Variants in IRAK2 observed in about 807,000 individuals in gnomAD.
The protein encoded by IRAK2 is interleukin 1 receptor associated kinase 2.
In IRAK2, 57 loss-of-function variants were observed where a neutral mutation model predicts 72.0. The ratio of observed to expected loss-of-function variants is 0.79; its 90% CI spans 0.64 to 0.99. IRAK2 has a LOEUF of 0.99. Among genes scored for constraint, IRAK2 ranks in the 50% least tolerant of loss-of-function variants. The probability of loss-of-function intolerance (pLI) is 0.00; values close to 1 mark genes in which losing one functional copy is unlikely to be tolerated. For missense variants in IRAK2, 790 were observed against 794.4 expected (o/e 0.99, Z 0.07); for synonymous variants, 293 against 312.7 (o/e 0.94, Z 0.67).
chr3:10,237,018 C>T (rs76909632), intron 11 of IRAK2, among the ~76,000 whole-genome samples: 2,287 of 152,316 alleles, frequency 0.015, 53 homozygotes, highest in African/African-American at 0.052. Context: ...ATCACACCTG[C>T]AATCCAGCCA....
intron 10 of IRAK2, among the ~76,000 whole-genome samples, chr3:10,233,892 A>T (rs934234800): frequency 1.2e-4 from 18 of 152,108 alleles, no homozygotes; most frequent in Non-Finnish European, 4.4e-5. Flanking sequence ...GCTGTCACCT[A>T]GGCTGGAGTG....
chr3:10,173,978 A>C (rs55766316), intron 1 of IRAK2, among the ~76,000 whole-genome samples: 4 of 152,258 alleles, frequency 2.6e-5, no homozygotes, highest in Non-Finnish European at 4.4e-5. Flanking sequence ...CGAGTAAGGA[A>C]AGTTCAGCCC....
At chr3:10,216,269 G>A (rs759758727) in intron 6 of IRAK2, among the ~76,000 whole-genome samples, 1 of 152,170 alleles carries the variant, frequency 6.6e-6, no homozygotes, top group Non-Finnish European at 1.5e-5. Flanking sequence ...TAATAAATAT[G>A]GGTGAAGAAG....
intron 4 of IRAK2, among the ~76,000 whole-genome samples, chr3:10,211,616 C>T (rs986362028): frequency 2.0e-5 from 3 of 151,982 alleles, no homozygotes; most frequent in Non-Finnish European, 4.4e-5. Flanking sequence ...GAGACCCTGT[C>T]TCAAAAAGAA....
intron 10 of IRAK2, among the ~76,000 whole-genome samples, chr3:10,228,693 T>C (rs1250074432): frequency 6.6e-6 from 1 of 152,198 alleles, no homozygotes; most frequent in African/African-American, 2.4e-5. Flanking sequence ...TGCAATCCAA[T>C]GGTTAATCAA....
chr3:10,234,783 C>T, intron 11 of IRAK2, 124 bp downstream of exon 11: 1 of 815,640 alleles, frequency 1.2e-6, no homozygotes. Context: ...GCCGCAGAAC[C>T]TCCTAGAGCT....
rs892896515 is a variant in IRAK2, at chr3:10,234,353, C to T, written c.1273-106C>T. On this transcript the variant is annotated intron_variant, in intron 10 of 12. Transcript: ENST00000256458. ...TGCATTTATTCTTACGATGTCCGGT[C>T]GGTTTTCTGAGCATTTTTTGCAGCT... 2.1e-5 allele frequency: 17 copies of T among 818,190 alleles called. No individual in the cohort carries two copies. In the Admixed American group the frequency reaches 2.1e-4, roughly 10 times the overall value. 50.7% of individuals were successfully genotyped at this position (818,190 alleles called of 1,614,324 possible). A position where few individuals can be genotyped will look rare whatever the true frequency, so the allele number is the denominator to read the frequency against.
chr3:10,211,691 C>T (rs553786167), intron 4 of IRAK2, among the ~76,000 whole-genome samples: 3 of 151,990 alleles, frequency 2.0e-5, no homozygotes, highest in South Asian at 2.1e-4. Flanking sequence ...TCTAATTGGC[C>T]GGAAATACAC....
intron 2 of IRAK2, among the ~76,000 whole-genome samples, chr3:10,181,029 T>C (rs1696951814): frequency 2.6e-5 from 4 of 152,288 alleles, no homozygotes; most frequent in Admixed American, 2.6e-4. Context: ...GGCTGGACCC[T>C]GACTCCTCTG....
chr3:10,197,921 C>T (rs932415071), intron 2 of IRAK2, among the ~76,000 whole-genome samples: 3 of 150,252 alleles, frequency 2.0e-5, no homozygotes, highest in Admixed American at 1.3e-4. Flanking sequence ...CCACTCAGGC[C>T]GGGCGCAGTG....
chr3:10,202,345 C>T (rs376217229), intron 3 of IRAK2, among the ~76,000 whole-genome samples: 1 of 152,138 alleles, frequency 6.6e-6, no homozygotes, highest in Non-Finnish European at 1.5e-5. Flanking sequence ...CACAGCCAGC[C>T]GGGCGTGGTA....
At chr3:10,200,177 C>G (rs140842059) in intron 2 of IRAK2, among the ~76,000 whole-genome samples, 192 bp from the exon 3 acceptor site, 1 of 152,090 alleles carries the variant, frequency 6.6e-6, no homozygotes, top group South Asian at 2.1e-4. Flanking sequence ...TGTGAGCCAC[C>G]GCGCCTGGTC....
chr3:10,236,847 T>G (rs1292072826), intron 11 of IRAK2, among the ~76,000 whole-genome samples: 2 of 152,260 alleles, frequency 1.3e-5, no homozygotes, highest in African/African-American at 4.8e-5. Context: ...ATAAGATAGA[T>G]GTTTATTCTC....
rs187792932 is a variant in IRAK2, at chr3:10,203,693, G to A, written c.424+3178G>A. ...TATCACTAGGCTGGAGTGCAGTGGC[G>A]CGATCTCGGCTCACTGCAGCCTCTG... On this transcript the variant is annotated intron_variant, in intron 3 of 12. Coordinates refer to ENST00000256458, the MANE Select transcript of IRAK2 (RefSeq NM_001570.4). Among the ~76,000 whole-genome samples the A allele has an allele frequency of 9.2e-5, 14 of 152,210 alleles. No individual in the cohort carries two copies. The East Asian group carries it at 1.4e-3, about 15-fold the overall frequency.
At chr3:10,173,175 G>A (rs1696823705) in intron 1 of IRAK2, among the ~76,000 whole-genome samples, 1 of 152,022 alleles carries the variant, frequency 6.6e-6, no homozygotes, top group African/African-American at 2.4e-5. Context: ...AGGCTCAGGG[G>A]GAGATGAACA....
At chr3:10,190,405 C>A (rs569064507) in intron 2 of IRAK2, among the ~76,000 whole-genome samples, 1 of 151,070 alleles carries the variant, frequency 6.6e-6, no homozygotes, top group Non-Finnish European at 1.5e-5. Context: ...CTCAGCCTCC[C>A]GAGTAGCTGG....
chr3:10,201,307 T>C (rs1464331758), intron 3 of IRAK2, among the ~76,000 whole-genome samples: 2 of 152,224 alleles, frequency 1.3e-5, no homozygotes, highest in Non-Finnish European at 2.9e-5. Context: ...ACCAGTGGTC[T>C]CCCGTGTCCC....
At chr3:10,168,109 A>G (rs371180470) in intron 1 of IRAK2, among the ~76,000 whole-genome samples, 2 of 151,272 alleles carry the variant, frequency 1.3e-5, no homozygotes, top group African/African-American at 2.4e-5. Flanking sequence ...ATGTTTAACT[A>G]TTTGAGGAGC....
chr3:10,236,574 C>T (rs1697964552), intron 11 of IRAK2, among the ~76,000 whole-genome samples: 1 of 152,050 alleles, frequency 6.6e-6, no homozygotes, highest in Admixed American at 6.6e-5. Context: ...TCTCGAACTC[C>T]TGACCTCAGG....
Sources: gnomAD v4.1 joint callset for allele counts (sites outside exome capture counted in the v4.1 genomes callset) on GRCh38, gnomAD v4.1.1 for gene constraint, MANE v1.5 for transcripts, NCBI Gene and HGNC (gene_info 2026-07-23, HGNC 2026-07-21) for gene names.